AFF4: variants seen among roughly 807,000 people sequenced by gnomAD.
AFF4 encodes AF4/FMR2 family member 4.
A neutral mutation model predicts 124.8 loss-of-function variants in AFF4; 13 were observed. That is an observed-to-expected ratio of 0.10 (90% CI 0.07 to 0.17). The LOEUF is 0.17. Among genes scored for constraint, AFF4 ranks in the 10% least tolerant of loss-of-function variants. The pLI, the probability that AFF4 is intolerant of heterozygous loss-of-function variation, is 1.00. For missense variants in AFF4, 1,092 were observed against 1,403.8 expected (o/e 0.78, Z 3.55); for synonymous variants, 477 against 496.1 (o/e 0.96, Z 0.51).
rs1759833759 is a variant in AFF4 at position 132,876,165 on chromosome 5, A to G, written c.*4894T>C. On this transcript the variant is annotated 3_prime_UTR_variant, in exon 21 of 21. Coordinates refer to ENST00000265343, the MANE Select transcript of AFF4 (RefSeq NM_014423.4). Reference sequence around the variant, plus strand: ...CTTAAAGGTGGTGCCTTTTCAGGCAATGTCAACTGGCCAGTTCTGTTGGTG... The same window carrying G: ...CTTAAAGGTGGTGCCTTTTCAGGCAGTGTCAACTGGCCAGTTCTGTTGGTG... 1 of 230,016 alleles carries G rather than the reference A, an allele frequency of 4.3e-6. No homozygotes were observed. The highest frequency in any genetic ancestry group is 8.6e-6 in the Non-Finnish European group (1 of 116,322). 14.2% of individuals were successfully genotyped at this position (230,016 alleles called of 1,614,324 possible). A position where few individuals can be genotyped will look rare whatever the true frequency, so the allele number is the denominator to read the frequency against.
intron 4 of AFF4, among the ~76,000 whole-genome samples, chr5:132,930,003 A>G (rs1761263177): frequency 6.6e-6 from 1 of 152,234 alleles, no homozygotes; most frequent in African/African-American, 2.4e-5. Flanking sequence ...GCAACTACAT[A>G]GAACATGAGG....
intron 12 of AFF4, 140 bp downstream of exon 12, chr5:132,892,890 A>C (rs1357563791): frequency 4.2e-6 from 3 of 720,670 alleles, no homozygotes; most frequent in Non-Finnish European, 7.0e-6. Flanking sequence ...AGCTCCCACT[A>C]TTTGGCATAT....
intron 1 of AFF4, among the ~76,000 whole-genome samples, chr5:132,959,342 G>C (rs1287471760): frequency 1.3e-5 from 2 of 151,986 alleles, no homozygotes; most frequent in Non-Finnish European, 2.9e-5. Flanking sequence ...GGATTGTCTT[G>C]ATCTCTCGAC....
At chr5:132,928,447 C>G (rs1355158355) in intron 4 of AFF4, among the ~76,000 whole-genome samples, 1 of 152,156 alleles carries the variant, frequency 6.6e-6, no homozygotes, top group African/African-American at 2.4e-5. Flanking sequence ...ATCTTTGTAG[C>G]CAAGGATAAT....
At chr5:132,921,159 A>T (rs1761035260) in intron 5 of AFF4, among the ~76,000 whole-genome samples, 1 of 151,950 alleles carries the variant, frequency 6.6e-6, no homozygotes, top group African/African-American at 2.4e-5. Context: ...TAGCCCATTT[A>T]AAAATGGGCA....
chr5:132,958,704 G>A (rs1762014633), intron 1 of AFF4, among the ~76,000 whole-genome samples: 1 of 152,130 alleles, frequency 6.6e-6, no homozygotes, highest in African/African-American at 2.4e-5. Flanking sequence ...TCTCTACAGA[G>A]TATTGGCTGG....
Position 132,881,268 on chromosome 5 carries a change from A to T in AFF4, c.3365-82T>A. 12 of 1,459,766 alleles carry T rather than the reference A, an allele frequency of 8.2e-6. No homozygotes were observed. In the South Asian group the frequency reaches 1.6e-4, roughly 19 times the overall value. The allele number at this position is 1,459,766 out of a possible 1,614,324, so 90.4% of individuals were successfully genotyped here. A position where few individuals can be genotyped will look rare whatever the true frequency, so the allele number is the denominator to read the frequency against. On this transcript the variant is annotated intron_variant, in intron 20 of 20. Transcript: ENST00000265343. ...AAACTATGAGTAGAGATTATAAAACAGCATTCATAAACTCAAAAAATACCT... is the reference window on the plus strand; with the variant it reads ...AAACTATGAGTAGAGATTATAAAACTGCATTCATAAACTCAAAAAATACCT...
intron 1 of AFF4, among the ~76,000 whole-genome samples, chr5:132,945,862 A>G (rs1358218602): frequency 6.6e-6 from 1 of 152,156 alleles, no homozygotes; most frequent in East Asian, 1.9e-4. Flanking sequence ...GGAGTTTGAG[A>G]CTAGCCTGAC....
At chr5:132,932,306 GT>G (rs1470498924) in intron 3 of AFF4, 84 bp from the exon 4 acceptor site, 2 of 1,129,428 alleles carry the variant, frequency 1.8e-6, no homozygotes, top group East Asian at 4.9e-5. Context: ...ATTATTAAAA[GT>G]ATTTATGACC....
chr5:132,914,954 T>C (rs926897908), intron 5 of AFF4, among the ~76,000 whole-genome samples: 1 of 152,190 alleles, frequency 6.6e-6, no homozygotes, highest in Non-Finnish European at 1.5e-5. Flanking sequence ...AGTAGCCCTA[T>C]AGCTACTAAA....
At chr5:132,906,777 A>C (rs1760680299) in intron 5 of AFF4, among the ~76,000 whole-genome samples, 2 of 151,644 alleles carry the variant, frequency 1.3e-5, no homozygotes, top group South Asian at 4.2e-4. Flanking sequence ...GCAGTGGGCA[A>C]GAGGTCACTT....
At chr5:132,903,705 G>C (rs1300990695) in intron 6 of AFF4, among the ~76,000 whole-genome samples, 1 of 152,144 alleles carries the variant, frequency 6.6e-6, no homozygotes, top group Non-Finnish European at 1.5e-5. Flanking sequence ...AAGAAGAAAA[G>C]GGCCATGGTC....
chr5:132,935,205 C>T (rs537569702), intron 2 of AFF4, among the ~76,000 whole-genome samples: 1 of 152,330 alleles, frequency 6.6e-6, no homozygotes, highest in Non-Finnish European at 1.5e-5. Context: ...CCCAGCTACT[C>T]TGGGCAGCTG....
Position 132,906,090 on chromosome 5 carries a change from G to C in AFF4, c.1051-1686C>G, listed in dbSNP as rs138859175. Among the ~76,000 whole-genome samples, 614 of 152,266 alleles carry C rather than the reference G, an allele frequency of 4.0e-3. 1 individual carries two copies. Among genetic ancestry groups the C allele is most frequent in the Middle Eastern group, 0.01 (3 of 294 alleles). On this transcript the variant is annotated intron_variant, in intron 5 of 20. Transcript: ENST00000265343. ...ATGAGATACCACTTCTCAACCACTAGGATGACTAGAATCAAAAAGACAGAT... is the reference window on the plus strand; with the variant it reads ...ATGAGATACCACTTCTCAACCACTACGATGACTAGAATCAAAAAGACAGAT...
chr5:132,921,648 G>A (rs1761050617), intron 5 of AFF4, among the ~76,000 whole-genome samples: 1 of 148,940 alleles, frequency 6.7e-6, no homozygotes, highest in African/African-American at 2.5e-5. Flanking sequence ...TGTATTTTTT[G>A]TAGAGATGGG....
intron 5 of AFF4, among the ~76,000 whole-genome samples, chr5:132,918,533 G>A (rs1297452630): frequency 6.6e-6 from 1 of 151,220 alleles, no homozygotes; most frequent in Non-Finnish European, 1.5e-5. Flanking sequence ...ATCATGGTGG[G>A]CGCCTGTAAT....
Position 132,897,030 on chromosome 5 carries a change from T to C in AFF4, c.1600A>G (p.Lys534Glu). Residue 534 changes from lysine to glutamate, a missense_variant, in exon 11 of 21, where the codon AAA becomes GAA. Lys to Glu is a moderately conservative substitution (Grantham distance 56, BLOSUM62 1). This residue lies in a region of AFF4 where 174 missense variants were observed against 205.9 expected (regional missense o/e 0.84). Transcript: ENST00000265343. Reference sequence around the variant, plus strand: ...CTTTCTGATCCCTTTTGGATGGTTTTGGAGTCTCGTCCCGGAGTAGCGGAA... The same window carrying C: ...CTTTCTGATCCCTTTTGGATGGTTTCGGAGTCTCGTCCCGGAGTAGCGGAA... ...TSSATPGRDS[K>E]TIQKGSESGR... 1 of 1,614,252 alleles carries C rather than the reference T, an allele frequency of 6.2e-7. No individual in the cohort carries two copies.
Position 132,882,808 on chromosome 5 carries a change from C to T in AFF4, c.3364+532G>A, listed in dbSNP as rs546254529. The stretch of plus-strand genomic sequence containing the variant: ...GGTGGAAGCTGCAGTGAGTCGAGAT[C>T]GTGCCACTGTGCTCCAGCCTGGGCA... On this transcript the variant is annotated intron_variant, in intron 20 of 20. Coordinates refer to ENST00000265343, the MANE Select transcript of AFF4 (RefSeq NM_014423.4). 5.6e-3 allele frequency among the ~76,000 whole-genome samples: 808 copies of T among 145,364 alleles called. 4 individuals carry two copies. Among genetic ancestry groups the T allele is most frequent in the Middle Eastern group, 0.029 (8 of 276 alleles).
chr5:132,932,804 G>T (rs549682001), intron 3 of AFF4, among the ~76,000 whole-genome samples: 11 of 152,132 alleles, frequency 7.2e-5, no homozygotes, highest in Non-Finnish European at 1.3e-4. Context: ...AAACCAAATT[G>T]CTTATTCTAA....
Sources: gnomAD v4.1 joint callset for allele counts (sites outside exome capture counted in the v4.1 genomes callset) on GRCh38, gnomAD v4.1.1 for gene constraint, gnomAD v4.1.1 regional missense constraint, MANE v1.5 for transcripts, NCBI Gene and HGNC (gene_info 2026-07-23, HGNC 2026-07-21) for gene names.